Variants in SCRG1 observed in about 807,000 individuals in gnomAD.
SCRG1 encodes stimulator of chondrogenesis 1.
In SCRG1, 3 loss-of-function variants were observed where a neutral mutation model predicts 7.7. The observed-to-expected ratio is 0.39, with a 90% CI of 0.18 to 1.01. The LOEUF (loss-of-function observed/expected upper bound fraction) is 1.01. SCRG1 is among the 50% of genes least tolerant of loss of function. The pLI is 0.36. For missense variants in SCRG1, 110 were observed against 117.2 expected, an observed-to-expected ratio of 0.94 and a Z score of 0.28; for synonymous variants, 46 against 41.2, an observed-to-expected ratio of 1.12 and a Z score of -0.44.
At chr4:173,472,814 A>G in the SCRG1 span, among the ~76,000 whole-genome samples, 4 of 152,204 alleles carry the variant, frequency 2.6e-5, no homozygotes, top group Non-Finnish European at 5.9e-5. Context: ...CACCCAGGGT[A>G]ATGTTTGACC....
At chr4:173,475,158 C>T in the SCRG1 span, among the ~76,000 whole-genome samples, 1 of 152,106 alleles carries the variant, frequency 6.6e-6, no homozygotes, top group African/African-American at 2.4e-5. Flanking sequence ...AAAAAAAGAG[C>T]CTCTACTAGG....
intron 1 of SCRG1, among the ~76,000 whole-genome samples, chr4:173,394,289 T>A (rs938654021): frequency 6.6e-6 from 1 of 152,142 alleles, no homozygotes; most frequent in African/African-American, 2.4e-5. Flanking sequence ...TTTGATTCCT[T>A]TCTCTTTTGT....
the SCRG1 span, chr4:173,446,798 T>G: frequency 1.3e-5 from 2 of 152,228 alleles, no homozygotes; most frequent in African/African-American, 4.8e-5. Flanking sequence ...GTTAGATGGA[T>G]AAGAACTTTT....
At chr4:173,413,255 G>A in the SCRG1 span, among the ~76,000 whole-genome samples, 8 of 152,234 alleles carry the variant, frequency 5.3e-5, no homozygotes, top group South Asian at 1.7e-3. Flanking sequence ...GAGTTGTTAG[G>A]AGAAGCAGAT....
chr4:173,463,468 C>T, the SCRG1 span, among the ~76,000 whole-genome samples: 1 of 152,006 alleles, frequency 6.6e-6, no homozygotes, highest in Non-Finnish European at 1.5e-5. Context: ...AGAGGCCCAC[C>T]TCACTATGTT....
the SCRG1 span, among the ~76,000 whole-genome samples, chr4:173,416,070 T>A: frequency 6.6e-6 from 1 of 152,156 alleles, no homozygotes; most frequent in Non-Finnish European, 1.5e-5. Flanking sequence ...TGCAGTCTCC[T>A]CTCCCGCAGT....
chr4:173,483,815 TATATATAATATATATA>T, the SCRG1 span, among the ~76,000 whole-genome samples: 1 of 79,888 alleles, frequency 1.3e-5, no homozygotes, highest in African/African-American at 5.3e-5. Flanking sequence ...TGATATGTAA[TATATATAATATATATA>T]ATATATAATA....
the SCRG1 span, among the ~76,000 whole-genome samples, chr4:173,460,787 A>T: frequency 6.6e-6 from 1 of 152,146 alleles, no homozygotes; most frequent in Non-Finnish European, 1.5e-5. Context: ...CCAGGACTTG[A>T]TTCTTGGATG....
At chr4:173,509,757 G>A in the SCRG1 span, among the ~76,000 whole-genome samples, 1 of 152,138 alleles carries the variant, frequency 6.6e-6, no homozygotes, top group Non-Finnish European at 1.5e-5. The surrounding 1 kb of genome is among the most constrained non-coding windows in gnomAD (Gnocchi z 5.7). Context: ...TCCAGGAGCT[G>A]AAAGAGATTC....
the SCRG1 span, among the ~76,000 whole-genome samples, chr4:173,417,018 C>T: frequency 1.3e-5 from 2 of 149,302 alleles, no homozygotes; most frequent in African/African-American, 5.0e-5. Context: ...ACACACCCCA[C>T]ACACAATCAC....
At chr4:173,407,333 A>C (rs914692818), upstream of SCRG1, among the ~76,000 whole-genome samples, 5 of 152,154 alleles carry the variant, frequency 3.3e-5, no homozygotes, top group Non-Finnish European at 7.3e-5. Flanking sequence ...CCTGACCAAC[A>C]TGGTGAAACT....
rs1362334869 is a variant in SCRG1, at chr4:173,388,230, T to A, written c.*111A>T. 1.6e-6 allele frequency: 1 copy of A among 607,250 alleles called. No individual in the cohort carries two copies. Among genetic ancestry groups the A allele is most frequent in the East Asian group, 3.0e-5 (1 of 33,650 alleles). The allele number at this position is 607,250 out of a possible 1,614,324, so 37.6% of individuals were successfully genotyped here. A position where few individuals can be genotyped will look rare whatever the true frequency, so the allele number is the denominator to read the frequency against. On this transcript the variant is annotated 3_prime_UTR_variant, in exon 3 of 3. Coordinates refer to ENST00000296506, the MANE Select transcript of SCRG1 (RefSeq NM_007281.4). Reference sequence around the variant, plus strand: ...TACTTGTCTTAGACAAGTAAGAATTTATAGAATCTATGCTCTATTGCACTA... The same window carrying A: ...TACTTGTCTTAGACAAGTAAGAATTAATAGAATCTATGCTCTATTGCACTA...
the SCRG1 span, among the ~76,000 whole-genome samples, chr4:173,442,109 C>G: frequency 6.6e-6 from 1 of 152,076 alleles, no homozygotes. Context: ...TCTTAAATTC[C>G]CTGACAGCTG....
the SCRG1 span, among the ~76,000 whole-genome samples, chr4:173,506,427 T>C: frequency 6.6e-6 from 1 of 152,156 alleles, no homozygotes; most frequent in African/African-American, 2.4e-5. This position sits in a 1 kb window ranked among gnomAD's most constrained non-coding sequence, Gnocchi z 5.3. Context: ...CTCTCATGCC[T>C]GGAACTTGTT....
At chr4:173,501,160 C>T in the SCRG1 span, among the ~76,000 whole-genome samples, 2 of 152,324 alleles carry the variant, frequency 1.3e-5, no homozygotes, top group South Asian at 4.1e-4. This position sits in a 1 kb window ranked among gnomAD's most constrained non-coding sequence, Gnocchi z 5.1. Context: ...GCTCCCGCTG[C>T]TTCCGGGTCT....
the SCRG1 span, among the ~76,000 whole-genome samples, chr4:173,482,780 T>G: frequency 6.6e-6 from 1 of 150,828 alleles, no homozygotes; most frequent in Non-Finnish European, 1.5e-5. Context: ...AATGTGCCAC[T>G]GGACTCCAGC....
chr4:173,392,550 C>A (rs992049035), intron 1 of SCRG1, among the ~76,000 whole-genome samples: 1 of 152,308 alleles, frequency 6.6e-6, no homozygotes, highest in African/African-American at 2.4e-5. Flanking sequence ...GATAATTTTT[C>A]AAGTACAGGA....
chr4:173,450,391 A>G, the SCRG1 span, among the ~76,000 whole-genome samples: 3 of 152,298 alleles, frequency 2.0e-5, no homozygotes, highest in African/African-American at 7.2e-5. Context: ...AAAGTCCCCA[A>G]AAGCTCATCT....
At chr4:173,471,269 A>G in the SCRG1 span, among the ~76,000 whole-genome samples, 1 of 152,334 alleles carries the variant, frequency 6.6e-6, no homozygotes, top group East Asian at 1.9e-4. Context: ...AGTTGGGAGA[A>G]AACAATGCAG....
Sources: allele counts gnomAD v4.1 joint callset (sites outside exome capture counted in the v4.1 genomes callset), GRCh38; gene constraint gnomAD v4.1.1; non-coding constraint Gnocchi (gnomAD v3.1); transcripts MANE v1.5; gene names NCBI Gene and HGNC (gene_info 2026-07-23, HGNC 2026-07-21).